TMPRSS7: variants seen among roughly 807,000 people sequenced by gnomAD.
The protein encoded by TMPRSS7 is transmembrane protease serine 7.
In TMPRSS7, 81 loss-of-function variants were observed where a neutral mutation model predicts 95.6. The observed-to-expected ratio is 0.85, with a 90% confidence interval of 0.71 to 1.02. The LOEUF (loss-of-function observed/expected upper bound fraction) is 1.02, where lower values mean the gene tolerates loss of function less well. Among genes scored for constraint, TMPRSS7 ranks in the 50% least tolerant of loss-of-function variants. The pLI, the probability that TMPRSS7 is intolerant of heterozygous loss-of-function variation, is 0.00. For missense variants in TMPRSS7, 945 were observed against 955.2 expected (o/e 0.99, Z 0.14); for synonymous variants, 364 against 337.8 (o/e 1.08, Z -0.85).
intron 17 of TMPRSS7, 122 bp downstream of exon 17, chr3:112,079,000 C>T: frequency 8.9e-7 from 1 of 1,121,034 alleles, no homozygotes; most frequent in Non-Finnish European, 1.2e-6. Flanking sequence ...ACTTGAGCTG[C>T]TCAGATATTA....
intron 12 of TMPRSS7, among the ~76,000 whole-genome samples, chr3:112,064,273 T>G (rs541466432): frequency 6.6e-6 from 1 of 152,230 alleles, no homozygotes; most frequent in Non-Finnish European, 1.5e-5. Context: ...AAGTGCTCTT[T>G]CAGCGTGCTC....
intron 9 of TMPRSS7, among the ~76,000 whole-genome samples, chr3:112,055,918 C>T (rs2073427178): frequency 6.6e-6 from 1 of 152,132 alleles, no homozygotes; most frequent in Admixed American, 6.5e-5. Context: ...GCCGGCTAGG[C>T]ACAGTGCTCA....
At chr3:112,051,672 T>TATC (rs777658207) in intron 9 of TMPRSS7, among the ~76,000 whole-genome samples, 5,589 of 76,396 alleles carry the variant, frequency 0.073, 119 homozygotes, top group East Asian at 0.18. Flanking sequence ...ATCTATCATC[T>TATC]ATCTATCTAT....
chr3:112,080,010 T>C (rs2073758450), intron 17 of TMPRSS7, among the ~76,000 whole-genome samples: 2 of 152,194 alleles, frequency 1.3e-5, no homozygotes, highest in Non-Finnish European at 1.5e-5. Flanking sequence ...AAGTGTTTAC[T>C]TGTTAAACTT....
At chr3:112,059,701 C>T (rs2107750731) in intron 10 of TMPRSS7, among the ~76,000 whole-genome samples, 1 of 152,362 alleles carries the variant, frequency 6.6e-6, no homozygotes, top group East Asian at 1.9e-4. Flanking sequence ...CACTTGCCAT[C>T]TCTTCCTCAT....
chr3:112,072,957 T>C (rs2107761184), intron 13 of TMPRSS7, among the ~76,000 whole-genome samples: 1 of 152,316 alleles, frequency 6.6e-6, no homozygotes, highest in South Asian at 2.1e-4. Flanking sequence ...GGTCAAATGG[T>C]ATTTCTAGTT....
intron 13 of TMPRSS7, among the ~76,000 whole-genome samples, chr3:112,068,449 TC>T (rs1465474697): frequency 4.6e-5 from 7 of 152,352 alleles, no homozygotes; most frequent in Non-Finnish European, 1.0e-4. Context: ...ATTCTTCCTA[TC>T]CATGAGCATG....
intron 7 of TMPRSS7, among the ~76,000 whole-genome samples, chr3:112,048,292 G>A (rs2073304708): frequency 6.6e-6 from 1 of 152,166 alleles, no homozygotes; most frequent in Non-Finnish European, 1.5e-5. Context: ...TATTTCAACA[G>A]TGTGAGAATA....
At chr3:112,079,215 T>A (rs189230884) in intron 17 of TMPRSS7, among the ~76,000 whole-genome samples, 2 of 152,342 alleles carry the variant, frequency 1.3e-5, no homozygotes, top group Admixed American at 1.3e-4. Flanking sequence ...ATTTGAAGGA[T>A]TTTATTTACT....
intron 9 of TMPRSS7, 64 bp from the exon 10 acceptor site, chr3:112,056,961 G>A (rs1458849895): frequency 1.7e-6 from 2 of 1,178,122 alleles, no homozygotes; most frequent in East Asian, 2.4e-5. Flanking sequence ...AACAAGCCAA[G>A]GGAATAAGTA....
chr3:112,038,471 T>C, intron 2 of TMPRSS7, 150 bp downstream of exon 2: 1 of 596,718 alleles, frequency 1.7e-6, no homozygotes, highest in South Asian at 2.1e-5. Context: ...TGTTGATGGT[T>C]TTTTATTATT....
chr3:112,053,222 T>C (rs1007883676), intron 9 of TMPRSS7, among the ~76,000 whole-genome samples: 1 of 152,134 alleles, frequency 6.6e-6, no homozygotes, highest in African/African-American at 2.4e-5. Context: ...ACAAAAATAT[T>C]GACTCGTTAT....
At chr3:112,052,662 A>G (rs1440904508) in intron 9 of TMPRSS7, among the ~76,000 whole-genome samples, 2 of 152,094 alleles carry the variant, frequency 1.3e-5, no homozygotes, top group Admixed American at 6.5e-5. Flanking sequence ...GGGAAAGGAA[A>G]CAAATCTCCA....
intron 6 of TMPRSS7, chr3:112,047,473 G>C: frequency 1.6e-6 from 1 of 608,112 alleles, no homozygotes; most frequent in Non-Finnish European, 3.1e-6. Context: ...TGACTTCTTT[G>C]ACTCTGATTG....
At chr3:112,079,642 C>G (rs778710957) in intron 17 of TMPRSS7, among the ~76,000 whole-genome samples, 1 of 152,074 alleles carries the variant, frequency 6.6e-6, no homozygotes, top group Non-Finnish European at 1.5e-5. Flanking sequence ...ATTGCATACT[C>G]CTGATTTAGA....
intron 13 of TMPRSS7, among the ~76,000 whole-genome samples, chr3:112,073,369 C>T (rs549446544): frequency 1.3e-5 from 2 of 152,264 alleles, no homozygotes; most frequent in Admixed American, 1.3e-4. Context: ...GCTGGGATTA[C>T]AGGCAGGAGC....
chr3:112,072,990 T>C (rs897061185), intron 13 of TMPRSS7, among the ~76,000 whole-genome samples: 4 of 152,144 alleles, frequency 2.6e-5, no homozygotes, highest in African/African-American at 9.7e-5. Context: ...GGAATCACCA[T>C]ACCATCTTGC....
chr3:112,053,268 C>A (rs887314560), intron 9 of TMPRSS7, among the ~76,000 whole-genome samples: 3 of 151,452 alleles, frequency 2.0e-5, no homozygotes, highest in African/African-American at 4.9e-5. Flanking sequence ...AGTTTATATT[C>A]TCCTCAATCC....
At chr3:112,057,276 C>T (rs1330342738) in intron 10 of TMPRSS7, 145 bp downstream of exon 10, 2 of 606,956 alleles carry the variant, frequency 3.3e-6, no homozygotes, top group Middle Eastern at 3.1e-4. Flanking sequence ...TTGCTCAAGG[C>T]CATGCAGCTC....
Sources: allele counts gnomAD v4.1 joint callset (sites outside exome capture counted in the v4.1 genomes callset), GRCh38; gene constraint gnomAD v4.1.1; transcripts MANE v1.5; gene names NCBI Gene and HGNC (gene_info 2026-07-23, HGNC 2026-07-21).